MAGI1: variants seen among roughly 807,000 people sequenced by gnomAD.
MAGI1 encodes the protein membrane-associated guanylate kinase, WW and PDZ domain-containing protein 1.
MAGI1 carries 58 observed loss-of-function variants against 139.9 expected under a neutral mutation model. The ratio of observed to expected loss-of-function variants is 0.41; its 90% CI spans 0.34 to 0.52. The LOEUF (loss-of-function observed/expected upper bound fraction) is 0.52. Among genes scored for constraint, MAGI1 ranks in the 20% least tolerant of loss-of-function variants. MAGI1 has a pLI of 0.12. For missense variants in MAGI1, 1,874 were observed against 1,901.6 expected (o/e 0.99, Z 0.27); for synonymous variants, 812 against 737.9 (o/e 1.10, Z -1.63).
At chr3:65,571,210 G>C (rs779062293) in intron 2 of MAGI1, among the ~76,000 whole-genome samples, 25 of 152,064 alleles carry the variant, frequency 1.6e-4, no homozygotes, top group Non-Finnish European at 2.9e-4. Flanking sequence ...AAATTGCAGT[G>C]AATGAAACTG....
At chr3:65,458,618 A>T (rs982464004) in intron 5 of MAGI1, among the ~76,000 whole-genome samples, 1 of 152,096 alleles carries the variant, frequency 6.6e-6, no homozygotes, top group African/African-American at 2.4e-5. Flanking sequence ...CTTTTGAGAA[A>T]TGTCCACTCA....
At chr3:65,652,352 G>A (rs1474086058) in intron 1 of MAGI1, among the ~76,000 whole-genome samples, 6 of 152,062 alleles carry the variant, frequency 3.9e-5, no homozygotes, top group Admixed American at 2.0e-4. Flanking sequence ...TTTAAATCAG[G>A]GCTCTCAATC....
intron 12 of MAGI1, among the ~76,000 whole-genome samples, chr3:65,406,771 A>T (rs1945371893): frequency 6.6e-6 from 1 of 151,350 alleles, no homozygotes; most frequent in Non-Finnish European, 1.5e-5. Flanking sequence ...ATATGTATAC[A>T]CACATACACA....
intron 2 of MAGI1, among the ~76,000 whole-genome samples, chr3:65,516,589 A>G (rs1170459947): frequency 6.6e-6 from 1 of 152,186 alleles, no homozygotes; most frequent in African/African-American, 2.4e-5. Context: ...AGCACTTACT[A>G]CATGTCAGGC....
intron 3 of MAGI1, among the ~76,000 whole-genome samples, chr3:65,489,152 C>G (rs1038331459): frequency 3.9e-5 from 6 of 152,116 alleles, no homozygotes; most frequent in Non-Finnish European, 7.3e-5. Flanking sequence ...TAAATAGAAC[C>G]TACCTCATAG....
At chr3:65,440,853 A>ATACATATATATGTATACACATATATG (rs1334178961) in intron 8 of MAGI1, among the ~76,000 whole-genome samples, 3 of 150,932 alleles carry the variant, frequency 2.0e-5, no homozygotes, top group African/African-American at 7.3e-5. Context: ...ATACATATGT[A>ATACATATATATGTATACACATATATG]TACATATATA....
chr3:65,446,492 T>C (rs1031731538), intron 7 of MAGI1, among the ~76,000 whole-genome samples: 25 of 152,204 alleles, frequency 1.6e-4, no homozygotes, highest in African/African-American at 5.5e-4. Context: ...ATGCAGAAAC[T>C]TCTTTCCTGA....
At chr3:65,495,121 CAT>C (rs1952331431) in intron 2 of MAGI1, among the ~76,000 whole-genome samples, 2 of 152,130 alleles carry the variant, frequency 1.3e-5, no homozygotes, top group African/African-American at 4.8e-5. Context: ...GCACAGGAAA[CAT>C]AGAGACAGTA....
At chr3:65,378,018 T>C (rs1417493627) in intron 17 of MAGI1, among the ~76,000 whole-genome samples, 1 of 152,208 alleles carries the variant, frequency 6.6e-6, no homozygotes, top group Non-Finnish European at 1.5e-5. Flanking sequence ...CTGAGGTACA[T>C]GAAAAGCCCA....
At chr3:65,630,578 G>T (rs2084238720) in intron 1 of MAGI1, among the ~76,000 whole-genome samples, 1 of 152,192 alleles carries the variant, frequency 6.6e-6, no homozygotes, top group Admixed American at 6.5e-5. Context: ...CAACCTAGAT[G>T]AAGCTGGAGG....
intron 2 of MAGI1, among the ~76,000 whole-genome samples, chr3:65,555,773 G>A (rs563897446): frequency 2.6e-5 from 4 of 152,216 alleles, no homozygotes; most frequent in African/African-American, 7.2e-5. Flanking sequence ...CAGGAGAATC[G>A]CTTGAGCCCA....
intron 1 of MAGI1, among the ~76,000 whole-genome samples, chr3:65,703,152 T>C (rs975984564): frequency 3.9e-5 from 6 of 152,044 alleles, no homozygotes; most frequent in Non-Finnish European, 7.4e-5. Context: ...TGGCAGGGGG[T>C]GGCTGGCTTT....
chr3:65,963,174 C>G (rs1350774144), intron 1 of MAGI1, among the ~76,000 whole-genome samples: 1 of 149,534 alleles, frequency 6.7e-6, no homozygotes, highest in Non-Finnish European at 1.5e-5. Flanking sequence ...AAAAAATTAG[C>G]TGGGAGTGGC....
chr3:65,507,428 T>A (rs140542087), intron 2 of MAGI1, among the ~76,000 whole-genome samples: 17 of 152,304 alleles, frequency 1.1e-4, no homozygotes, highest in African/African-American at 4.1e-4. Context: ...TGTATGAGGA[T>A]TACATGAGAC....
At chr3:65,915,667 T>C (rs956445093) in intron 1 of MAGI1, among the ~76,000 whole-genome samples, 7 of 152,166 alleles carry the variant, frequency 4.6e-5, no homozygotes, top group African/African-American at 1.7e-4. Flanking sequence ...ATCCAGTGTA[T>C]CCTTCAAGTG....
chr3:65,956,663 C>T lies in MAGI1; in HGVS notation c.313+81333G>A, dbSNP rs188841420. 8.5e-5 allele frequency among the ~76,000 whole-genome samples: 13 copies of T among 152,236 alleles called. No homozygotes were observed. In the Middle Eastern group the frequency reaches 0.01, roughly 119 times the overall value. On this transcript the variant is annotated intron_variant, in intron 1 of 22. Transcript: ENST00000402939. Reference sequence around the variant, plus strand: ...AAATAATGGAAACCCATAGACTACTCGTGGTAACATAAACTAGAAGAGCTG... The same window carrying T: ...AAATAATGGAAACCCATAGACTACTTGTGGTAACATAAACTAGAAGAGCTG...
chr3:66,036,169 A>C (rs572205741), intron 1 of MAGI1, among the ~76,000 whole-genome samples: 6 of 152,330 alleles, frequency 3.9e-5, no homozygotes, highest in African/African-American at 1.4e-4. Context: ...TGACACTAAA[A>C]ACTAGTTTCA....
intron 2 of MAGI1, among the ~76,000 whole-genome samples, chr3:65,523,743 C>G (rs1386362653): frequency 6.6e-6 from 1 of 152,188 alleles, no homozygotes; most frequent in African/African-American, 2.4e-5. Context: ...ATTTTTCTCT[C>G]AGTCCTGGAA....
intron 1 of MAGI1, among the ~76,000 whole-genome samples, chr3:65,737,530 C>T (rs1316094398): frequency 1.3e-5 from 2 of 152,162 alleles, no homozygotes; most frequent in Non-Finnish European, 2.9e-5. Flanking sequence ...GGAAATAAGA[C>T]AATAATGTAA....
Sources: allele counts gnomAD v4.1 joint callset (sites outside exome capture counted in the v4.1 genomes callset), GRCh38; gene constraint gnomAD v4.1.1; transcripts MANE v1.5; gene names NCBI Gene and HGNC (gene_info 2026-07-23, HGNC 2026-07-21).